WWOX: variants seen among roughly 807,000 people sequenced by gnomAD.
WWOX encodes the protein WW domain containing oxidoreductase.
Under a neutral mutation model 46.2 loss-of-function variants are expected in WWOX, and 69 were observed. The observed-to-expected ratio is 1.49, with a 90% CI of 1.23 to 1.82. The LOEUF is 1.82. Among genes scored for constraint, WWOX ranks in the 40% most tolerant of loss-of-function variants. The pLI, the probability that WWOX is intolerant of heterozygous loss-of-function variation, is 0.00. For synonymous variants in WWOX, 359 were observed against 202.6 expected (o/e 1.77, Z -6.56); for missense variants, 919 against 542.6 (o/e 1.69, Z -6.89).
chr16:78,300,989 T>TACCC (rs1458346185), intron 5 of WWOX, among the ~76,000 whole-genome samples: 1 of 147,680 alleles, frequency 6.8e-6, no homozygotes, highest in Non-Finnish European at 1.5e-5. Context: ...TCCATCCATC[T>TACCC]ACCCACCCAT....
chr16:78,320,836 G>A (rs980089204), intron 5 of WWOX, among the ~76,000 whole-genome samples: 2 of 152,108 alleles, frequency 1.3e-5, no homozygotes, highest in Non-Finnish European at 2.9e-5. Flanking sequence ...TACTAACACA[G>A]GATTTCTGTC....
chr16:78,768,118 T>C (rs2049969870), intron 8 of WWOX, among the ~76,000 whole-genome samples: 1 of 150,394 alleles, frequency 6.6e-6, no homozygotes, highest in Non-Finnish European at 1.5e-5. Flanking sequence ...TAATTGTAAT[T>C]CTTGGCTTTG....
At chr16:78,834,171 C>A (rs1287813614) in intron 8 of WWOX, among the ~76,000 whole-genome samples, 1 of 152,166 alleles carries the variant, frequency 6.6e-6, no homozygotes, top group Non-Finnish European at 1.5e-5. Context: ...TAGGAACATT[C>A]CCTTCTTCTC....
chr16:78,230,889 T>C (rs1294987544), intron 5 of WWOX, among the ~76,000 whole-genome samples: 1 of 152,248 alleles, frequency 6.6e-6, no homozygotes, highest in Non-Finnish European at 1.5e-5. Context: ...CTTATCTCTT[T>C]AGTGCAGAAA....
intron 8 of WWOX, among the ~76,000 whole-genome samples, chr16:79,068,692 T>TC (rs2048488132): frequency 1.3e-5 from 2 of 151,522 alleles, no homozygotes; most frequent in Admixed American, 6.6e-5. Flanking sequence ...ATGCCTGTGC[T>TC]CCCAGCCACT....
At chr16:78,478,090 T>C (rs1428528124) in intron 8 of WWOX, among the ~76,000 whole-genome samples, 2 of 152,190 alleles carry the variant, frequency 1.3e-5, no homozygotes, top group African/African-American at 2.4e-5. Context: ...ATATATTAAC[T>C]GAGTTATAAA....
chr16:78,388,189 G>C (rs1021370182), intron 6 of WWOX, among the ~76,000 whole-genome samples: 7 of 152,076 alleles, frequency 4.6e-5, no homozygotes, highest in Non-Finnish European at 1.0e-4. Flanking sequence ...TGCCACCATG[G>C]CCTGCTAATT....
At chr16:79,103,552 G>T (rs972410931) in intron 8 of WWOX, among the ~76,000 whole-genome samples, 3 of 152,132 alleles carry the variant, frequency 2.0e-5, no homozygotes, top group African/African-American at 7.2e-5. Flanking sequence ...AGAAAAGGGT[G>T]ATTGTCAGCT....
intron 5 of WWOX, among the ~76,000 whole-genome samples, chr16:78,367,006 G>A (rs1432216125): frequency 4.4e-5 from 5 of 114,330 alleles, no homozygotes; most frequent in African/African-American, 1.8e-4. Context: ...TTAAGACGTA[G>A]TCTTGCTCTG....
At chr16:78,991,906 T>C (rs936863943) in intron 8 of WWOX, among the ~76,000 whole-genome samples, 2 of 152,200 alleles carry the variant, frequency 1.3e-5, no homozygotes, top group Non-Finnish European at 2.9e-5. Context: ...TGTTCCTTTG[T>C]TCCCGCCTAA....
At chr16:78,419,970 G>A (rs6564541) in intron 6 of WWOX, among the ~76,000 whole-genome samples, 39,828 of 151,948 alleles carry the variant, frequency 0.26, 10,544 homozygotes, top group African/African-American at 0.68. Flanking sequence ...ATGAGCATAA[G>A]ATCTAAATAG....
chr16:78,969,020 G>T (rs2046418012), intron 8 of WWOX, among the ~76,000 whole-genome samples: 1 of 152,150 alleles, frequency 6.6e-6, no homozygotes, highest in Non-Finnish European at 1.5e-5. Flanking sequence ...CTGGAACCCG[G>T]GGAGTGGCTC....
At chr16:79,108,159 T>G (rs2049346879) in intron 8 of WWOX, among the ~76,000 whole-genome samples, 1 of 152,232 alleles carries the variant, frequency 6.6e-6, no homozygotes, top group Non-Finnish European at 1.5e-5. Context: ...ACTCTGTTGG[T>G]GGCAAGGAAG....
chr16:78,392,474 A>G (rs2082197323), intron 6 of WWOX, among the ~76,000 whole-genome samples: 1 of 152,146 alleles, frequency 6.6e-6, no homozygotes. Flanking sequence ...AATAGAAATA[A>G]AGTGCACAAT....
chr16:78,492,489 C>T (rs932636848), intron 8 of WWOX, among the ~76,000 whole-genome samples: 5 of 152,120 alleles, frequency 3.3e-5, no homozygotes, highest in East Asian at 1.9e-4. Flanking sequence ...TTGCATGTAA[C>T]GTACAGAACA....
At chr16:78,745,893 C>A (rs1055058452) in intron 8 of WWOX, among the ~76,000 whole-genome samples, 9 of 151,960 alleles carry the variant, frequency 5.9e-5, no homozygotes, top group African/African-American at 1.2e-4. Flanking sequence ...ATACTAGGAA[C>A]GTGTGCATGC....
At chr16:78,873,419 C>G (rs1452647166) in intron 8 of WWOX, 1 of 152,006 alleles carries the variant, frequency 6.6e-6, no homozygotes, top group Non-Finnish European at 1.5e-5. Context: ...TATTTACCAT[C>G]TAGCAGATGT....
At chr16:78,144,439 A>ATATACG (rs2034099326) in intron 4 of WWOX, among the ~76,000 whole-genome samples, 1 of 20,740 alleles carries the variant, frequency 4.8e-5, no homozygotes, top group African/African-American at 2.4e-4. Flanking sequence ...CTATATATAT[A>ATATACG]TATATATACA....
chr16:78,842,139 A>T (rs1196768274), intron 8 of WWOX, among the ~76,000 whole-genome samples: 2 of 152,092 alleles, frequency 1.3e-5, no homozygotes, highest in Non-Finnish European at 2.9e-5. Context: ...TCTTAAAGTA[A>T]TCCAGGAGGA....
Sources: allele counts gnomAD v4.1 joint callset (sites outside exome capture counted in the v4.1 genomes callset), GRCh38; gene constraint gnomAD v4.1.1; transcripts MANE v1.5; gene names NCBI Gene and HGNC (gene_info 2026-07-23, HGNC 2026-07-21).